The following PDE4D variants were observed in gnomAD, a reference collection of about 807,000 sequenced individuals.
PDE4D encodes phosphodiesterase 4D.
Under a neutral mutation model 87.4 loss-of-function variants are expected in PDE4D, and 24 were observed. That is an observed-to-expected ratio of 0.27 (90% CI 0.20 to 0.39). The LOEUF is 0.39. PDE4D is among the 10% of genes least tolerant of loss of function. The probability of loss-of-function intolerance (pLI) is 1.00; values close to 1 mark genes in which losing one functional copy is unlikely to be tolerated. For missense variants in PDE4D, 714 were observed against 1,041.0 expected, an observed-to-expected ratio of 0.69 and a Z score of 4.32; for synonymous variants, 384 against 383.2, an observed-to-expected ratio of 1.00 and a Z score of -0.02.
At chr5:60,212,677 C>T (rs913369426) in intron 1 of PDE4D, among the ~76,000 whole-genome samples, 1 of 152,216 alleles carries the variant, frequency 6.6e-6, no homozygotes, top group African/African-American at 2.4e-5. Context: ...GATTGCACCA[C>T]TTAAGCAGCT....
rs149223234 is a variant in PDE4D, at chr5:59,705,694, A to AT, written c.455+187473dup. ...CTGGGTTACTAATATTAATAGTTCC[A>AT]TTTTATCATGTACTTAACTTTGTGC... On this transcript the variant is annotated intron_variant, in intron 1 of 14. Transcript: ENST00000340635. 5.0e-3 allele frequency among the ~76,000 whole-genome samples: 759 copies of AT among 152,316 alleles called. 10 individuals are homozygous for AT. The highest frequency in any genetic ancestry group is 0.017 in the African/African-American group (721 of 41,562).
intron 1 of PDE4D, among the ~76,000 whole-genome samples, chr5:59,626,766 G>T (rs1830949041): frequency 6.6e-6 from 1 of 152,114 alleles, no homozygotes; most frequent in South Asian, 2.1e-4. Flanking sequence ...ATAAATTAAG[G>T]TAATAACTTT....
chr5:60,206,609 C>T (rs1742555914), intron 1 of PDE4D, among the ~76,000 whole-genome samples: 1 of 152,186 alleles, frequency 6.6e-6, no homozygotes, highest in African/African-American at 2.4e-5. Context: ...GCAAAATCTT[C>T]CAGTGACTTT....
At chr5:60,307,193 G>C (rs1192543399) in intron 1 of PDE4D, among the ~76,000 whole-genome samples, 1 of 152,004 alleles carries the variant, frequency 6.6e-6, no homozygotes, top group East Asian at 1.9e-4. Flanking sequence ...TTTAAACAAC[G>C]ACACAGAAAC....
chr5:59,422,842 T>C (rs1489863725), intron 1 of PDE4D, among the ~76,000 whole-genome samples: 1 of 152,222 alleles, frequency 6.6e-6, no homozygotes, highest in Non-Finnish European at 1.5e-5. Flanking sequence ...TGACAGTTTT[T>C]ATTAAACTCT....
chr5:60,194,149 AT>A (rs1220252945), intron 1 of PDE4D, among the ~76,000 whole-genome samples: 8 of 151,586 alleles, frequency 5.3e-5, no homozygotes, highest in South Asian at 2.1e-4. Flanking sequence ...TTGAAAAAAA[AT>A]GTCTGTTATC....
intron 2 of PDE4D, chr5:60,127,522 G>C (rs1779220319): frequency 2.3e-6 from 1 of 431,188 alleles, no homozygotes; most frequent in Admixed American, 4.1e-5. Flanking sequence ...TGAAGAGAGA[G>C]GGATAGATGC....
chr5:59,841,903 G>T (rs1020134592), intron 1 of PDE4D, among the ~76,000 whole-genome samples: 1 of 152,092 alleles, frequency 6.6e-6, no homozygotes, highest in Admixed American at 6.5e-5. Flanking sequence ...TGTGTGTGCA[G>T]GAAGGGGGCT....
chr5:59,489,882 C>T (rs1467471062), intron 1 of PDE4D, among the ~76,000 whole-genome samples: 1 of 152,078 alleles, frequency 6.6e-6, no homozygotes, highest in Non-Finnish European at 1.5e-5. Context: ...TTTCTCCATG[C>T]CGTTGTTTTC....
At chr5:59,591,080 T>C (rs1456613857) in intron 1 of PDE4D, among the ~76,000 whole-genome samples, 5 of 152,158 alleles carry the variant, frequency 3.3e-5, no homozygotes, top group Non-Finnish European at 1.5e-5. Context: ...CCAGGTACTT[T>C]GTGCTGTTTC....
chr5:59,840,234 C>CCACACACACA (rs142164308), intron 1 of PDE4D, among the ~76,000 whole-genome samples: 2,835 of 145,064 alleles, frequency 0.02, 57 homozygotes, highest in East Asian at 0.096. Context: ...ACGTGCACTG[C>CCACACACACA]CACACACACA....
intron 2 of PDE4D, among the ~76,000 whole-genome samples, chr5:59,196,248 A>C (rs567717607): frequency 6.6e-6 from 1 of 152,316 alleles, no homozygotes; most frequent in South Asian, 2.1e-4. Context: ...TGTAGCTCAA[A>C]TTGATTAAGA....
At chr5:60,506,077 C>G (rs1310334836) in intron 1 of PDE4D, among the ~76,000 whole-genome samples, 3 of 152,182 alleles carry the variant, frequency 2.0e-5, no homozygotes, top group Non-Finnish European at 4.4e-5. Context: ...TGTCTGAGAT[C>G]CAGATGGCAA....
intron 1 of PDE4D, among the ~76,000 whole-genome samples, chr5:59,733,715 T>C (rs768559708): frequency 4.0e-5 from 6 of 151,554 alleles, no homozygotes; most frequent in Admixed American, 6.6e-5. Flanking sequence ...TGAATGGTAA[T>C]AGCATCCATA....
At chr5:59,103,113 C>T (rs369108599) in intron 5 of PDE4D, among the ~76,000 whole-genome samples, 1 of 152,156 alleles carries the variant, frequency 6.6e-6, no homozygotes. Context: ...CAATATATTT[C>T]TCACTGTGAA....
intron 1 of PDE4D, among the ~76,000 whole-genome samples, chr5:59,243,032 G>A (rs765182): frequency 6.6e-6 from 1 of 151,932 alleles, no homozygotes; most frequent in Non-Finnish European, 1.5e-5. Context: ...TATTTCTTAC[G>A]TACATCACAG....
chr5:60,145,286 C>A (rs894747071), intron 2 of PDE4D, among the ~76,000 whole-genome samples: 1 of 152,160 alleles, frequency 6.6e-6, no homozygotes, highest in African/African-American at 2.4e-5. Flanking sequence ...CTGAGCCCTC[C>A]ATGTGGCACA....
rs535047100 is a variant in PDE4D at position 60,192,418 on chromosome 5, A to G, written c.-89-6731T>C. On this transcript the variant is annotated intron_variant, in intron 1 of 16. Coordinates refer to the PDE4D transcript ENST00000502484. ...CTTTAATGGTATTATACACTTTTATATCATAATTCAGGAAGTAACTTGAAA... is the reference window on the plus strand; with the variant it reads ...CTTTAATGGTATTATACACTTTTATGTCATAATTCAGGAAGTAACTTGAAA... Among the ~76,000 whole-genome samples the G allele has an allele frequency of 2.6e-5, 4 of 152,292 alleles. No individual in the cohort carries two copies. In the East Asian group the frequency reaches 7.7e-4, roughly 29 times the overall value.
intron 3 of PDE4D, among the ~76,000 whole-genome samples, chr5:59,923,618 G>A (rs934903626): frequency 2.0e-5 from 3 of 152,186 alleles, no homozygotes; most frequent in Non-Finnish European, 2.9e-5. Context: ...AACACCAAGC[G>A]GGGACACCTC....
Sources: allele counts gnomAD v4.1 joint callset (sites outside exome capture counted in the v4.1 genomes callset), GRCh38; gene constraint gnomAD v4.1.1; transcripts MANE v1.5; gene names NCBI Gene and HGNC (gene_info 2026-07-23, HGNC 2026-07-21).